TPRX1: variants seen among roughly 807,000 people sequenced by gnomAD.
TPRX1 encodes tetrapeptide repeat homeobox 1.
In TPRX1, 2 loss-of-function variants were observed where a neutral mutation model predicts 8.1. That is an observed-to-expected ratio of 0.25 (90% CI 0.10 to 0.78). The LOEUF (loss-of-function observed/expected upper bound fraction) is 0.78. Ranked by LOEUF, TPRX1 falls within the 30% of genes least tolerant of loss-of-function variation. TPRX1 has a pLI of 0.70. For missense variants in TPRX1, 517 were observed against 586.9 expected, an observed-to-expected ratio of 0.88 and a Z score of 1.23; for synonymous variants, 257 against 254.1, an observed-to-expected ratio of 1.01 and a Z score of -0.11.
At chr19:47,808,057 G>A (rs1292412095) in intron 2 of TPRX1, among the ~76,000 whole-genome samples, 1 of 152,070 alleles carries the variant, frequency 6.6e-6, no homozygotes, top group Non-Finnish European at 1.5e-5. Flanking sequence ...AGCCTCCTGA[G>A]TAGGTGGGAC....
chr19:47,801,940 G>A, exon 4 of TPRX1: 1 of 1,614,160 alleles, frequency 6.2e-7, no homozygotes. Flanking sequence ...CTAGGGGTAG[G>A]AGCAGCTCTG....
exon 1 of TPRX1, chr19:47,818,990 G>A (rs745904738): frequency 7.6e-5 from 18 of 236,904 alleles, no homozygotes; most frequent in African/African-American, 1.6e-4. Flanking sequence ...GAGAGCATGC[G>A]GTGTTTGGTT....
At chr19:47,813,231 G>A (rs1460820564) in intron 2 of TPRX1, among the ~76,000 whole-genome samples, 1 of 151,230 alleles carries the variant, frequency 6.6e-6, no homozygotes, top group Non-Finnish European at 1.5e-5. Flanking sequence ...GGAGGCTGAG[G>A]TGGGAGGATC....
chr19:47,814,949 G>A (rs937212573), intron 2 of TPRX1, among the ~76,000 whole-genome samples: 2 of 149,206 alleles, frequency 1.3e-5, no homozygotes, highest in Admixed American at 6.7e-5. Context: ...ACAGGCATGT[G>A]CCACCATGCC....
exon 2 of TPRX1, chr19:47,818,524 C>T (rs777925748): frequency 3.9e-5 from 18 of 455,962 alleles, no homozygotes; most frequent in Admixed American, 7.1e-5. Context: ...ACAAGACAGA[C>T]AGGGCCCCAT....
intron 2 of TPRX1, among the ~76,000 whole-genome samples, chr19:47,817,398 G>A (rs1047723364): frequency 2.6e-5 from 4 of 152,146 alleles, no homozygotes; most frequent in Non-Finnish European, 4.4e-5. Flanking sequence ...CAGCGGCAGA[G>A]CCAGAGCTGG....
intron 2 of TPRX1, among the ~76,000 whole-genome samples, chr19:47,804,808 G>A (rs1008873627): frequency 6.6e-5 from 10 of 152,246 alleles, no homozygotes; most frequent in African/African-American, 2.4e-4. Flanking sequence ...GCCCAGGTGA[G>A]GTGGCATTCC....
At chr19:47,813,327 CAACA>C (rs960370480) in intron 2 of TPRX1, among the ~76,000 whole-genome samples, 3 of 151,226 alleles carry the variant, frequency 2.0e-5, no homozygotes, top group African/African-American at 7.3e-5. Context: ...GACCCTGTCT[CAACA>C]AACAAACAAC....
rs555417915 is a variant in TPRX1 at position 47,803,477 on chromosome 19, C to A, written c.321+27G>T. 5.3e-6 allele frequency: 5 copies of A among 945,768 alleles called. No homozygotes were observed. The East Asian group carries it at 4.3e-4, about 81-fold the overall frequency. 58.6% of individuals were successfully genotyped at this position (945,768 alleles called of 1,614,324 possible). ...GGGAGGCTCCTTGGGGTGACTGGGG[C>A]GGGCAGGGTGGGGGTGGGGGTCAGA... On this transcript the variant is annotated intron_variant, in intron 3 of 3. Coordinates refer to ENST00000535759, the Ensembl canonical transcript of TPRX1.
At chr19:47,805,425 A>G (rs1967727069) in intron 2 of TPRX1, among the ~76,000 whole-genome samples, 1 of 152,054 alleles carries the variant, frequency 6.6e-6, no homozygotes, top group African/African-American at 2.4e-5. Context: ...GGGACCCATG[A>G]CCTTGGTCTA....
At chr19:47,817,382 C>G (rs8109933) in intron 2 of TPRX1, among the ~76,000 whole-genome samples, 63,048 of 152,014 alleles carry the variant, frequency 0.41, 13,754 homozygotes, top group East Asian at 0.78. Context: ...GTTCTGTCTC[C>G]CACGTCAGCG....
chr19:47,816,619 G>A (rs757165298), intron 2 of TPRX1, among the ~76,000 whole-genome samples: 31 of 145,676 alleles, frequency 2.1e-4, no homozygotes, highest in Non-Finnish European at 4.0e-4. Context: ...TGCAAGCAAC[G>A]CCTCCCAGGT....
intron 2 of TPRX1, among the ~76,000 whole-genome samples, chr19:47,804,530 G>A (rs926755581): frequency 2.0e-5 from 3 of 152,178 alleles, no homozygotes; most frequent in African/African-American, 7.2e-5. Context: ...AGATGACCAG[G>A]GTCTTGCATC....
chr19:47,810,344 ATTT>A (rs762098389), intron 2 of TPRX1, among the ~76,000 whole-genome samples: 1 of 93,340 alleles, frequency 1.1e-5, no homozygotes. Context: ...TTATCCATCA[ATTT>A]TTTTTTTTTT....
Position 47,802,904 on chromosome 19 carries a change from TGC to T in TPRX1, c.396_397del (p.Gln133GlufsTer344). ...CGCAGCGCGGGCTCCTCGGCCTCTC[TGC>T]CCAGGGACGCGCTGGGGCTGCTGCT... On this transcript the variant is annotated frameshift_variant, in exon 4 of 4. Coordinates refer to ENST00000535759, the Ensembl canonical transcript of TPRX1. LOFTEE classifies it low-confidence loss of function (END_TRUNC). 3 of 1,569,706 alleles carry T rather than the reference TGC, an allele frequency of 1.9e-6. No homozygotes were observed. The highest frequency in any genetic ancestry group is 2.6e-6 in the Non-Finnish European group (3 of 1,164,882).
At position 47,811,529 on chromosome 19, in the gene TPRX1, C is replaced by T. The variant is rs575888642; in HGVS notation, c.151+6939G>A. 2.8e-3 allele frequency among the ~76,000 whole-genome samples: 403 copies of T among 142,786 alleles called. 1 individual carries two copies. The highest frequency in any genetic ancestry group is 9.8e-3 in the African/African-American group (374 of 38,348). 93.7% of individuals were successfully genotyped at this position (142,786 alleles called of 152,430 possible). On this transcript the variant is annotated intron_variant, in intron 2 of 3. Coordinates refer to ENST00000535759, the Ensembl canonical transcript of TPRX1. ...TTTTTTTTTTTTTGAGACAGCGTCT[C>T]ACTCTGTTGCCCCGGCTAGAGTACA...
At chr19:47,819,051 T>C (rs1314738665) in exon 1 of TPRX1, 2 of 204,118 alleles carry the variant, frequency 9.8e-6, no homozygotes. Flanking sequence ...GCTTCATCCA[T>C]GTCCCTGCAT....
chr19:47,805,090 TC>T (rs1480826424), intron 2 of TPRX1, among the ~76,000 whole-genome samples: 1 of 152,170 alleles, frequency 6.6e-6, no homozygotes, highest in African/African-American at 2.4e-5. Flanking sequence ...CAAAAATTGC[TC>T]CCTAGGTGCC....
intron 2 of TPRX1, among the ~76,000 whole-genome samples, chr19:47,805,718 T>C (rs1436942478): frequency 2.6e-5 from 4 of 152,208 alleles, no homozygotes; most frequent in African/African-American, 9.7e-5. Context: ...CGGCTTCATC[T>C]ACAGGACATG....
Sources: gnomAD v4.1 joint callset for allele counts (sites outside exome capture counted in the v4.1 genomes callset) on GRCh38, gnomAD v4.1.1 for gene constraint, MANE v1.5 for transcripts, NCBI Gene and HGNC (gene_info 2026-07-23, HGNC 2026-07-21) for gene names.